CCSER1: variants seen among roughly 807,000 people sequenced by gnomAD.
CCSER1 encodes the protein serine-rich coiled-coil domain-containing protein 1.
Under a neutral mutation model 82.0 loss-of-function variants are expected in CCSER1, and 41 were observed. That is an observed-to-expected ratio of 0.50 (90% CI 0.39 to 0.65). The LOEUF (loss-of-function observed/expected upper bound fraction) is 0.65. Among genes scored for constraint, CCSER1 ranks in the 30% least tolerant of loss-of-function variants. CCSER1 has a pLI of 0.00. For synonymous variants in CCSER1, 414 were observed against 383.9 expected (o/e 1.08, Z -0.92); for missense variants, 1,119 against 1,064.2 (o/e 1.05, Z -0.72).
At chr4:91,175,920 A>C (rs998642373) in intron 10 of CCSER1, among the ~76,000 whole-genome samples, 3 of 152,160 alleles carry the variant, frequency 2.0e-5, no homozygotes, top group African/African-American at 7.2e-5. Context: ...CCTGAATGTT[A>C]TTGCCTAGGT....
At chr4:90,458,330 T>A (rs1762443841) in intron 4 of CCSER1, among the ~76,000 whole-genome samples, 1 of 151,760 alleles carries the variant, frequency 6.6e-6, no homozygotes. Flanking sequence ...ACTGCTGCCA[T>A]CTTTAGAAAA....
intron 5 of CCSER1, among the ~76,000 whole-genome samples, chr4:90,538,785 C>T (rs1775741290): frequency 6.6e-6 from 1 of 151,936 alleles, no homozygotes; most frequent in Admixed American, 6.6e-5. Flanking sequence ...GTTAATTTTT[C>T]TTCAGAAATA....
intron 3 of CCSER1, among the ~76,000 whole-genome samples, chr4:90,385,743 T>C (rs1749938778): frequency 6.6e-6 from 1 of 152,162 alleles, no homozygotes; most frequent in Non-Finnish European, 1.5e-5. Context: ...TGGTTAGTGA[T>C]GTTAAGCATT....
In CCSER1 at chr4:90,593,577, TC is replaced by T. The variant is rs767035495; in HGVS notation, c.1725-34447del. Among the ~76,000 whole-genome samples, 41 of 152,098 alleles carry T rather than the reference TC, an allele frequency of 2.7e-4. 1 individual carries two copies. The highest frequency in any genetic ancestry group is 1.6e-3 in the Admixed American group (25 of 15,238). Reference sequence around the variant, plus strand: ...CTGAAGTGTTTCCATTTGATTTAGTTCTAGGAAGTCCTTAGGTTTCCAGCCT... The same window carrying T: ...CTGAAGTGTTTCCATTTGATTTAGTTTAGGAAGTCCTTAGGTTTCCAGCCT... On this transcript the variant is annotated intron_variant, in intron 5 of 10. Transcript: ENST00000509176.
At chr4:90,752,791 A>G (rs575795127) in intron 7 of CCSER1, among the ~76,000 whole-genome samples, 71 of 152,030 alleles carry the variant, frequency 4.7e-4, no homozygotes, top group Non-Finnish European at 6.0e-4. Context: ...CATATATTCA[A>G]TTGCCTACTC....
intron 10 of CCSER1, among the ~76,000 whole-genome samples, chr4:91,129,660 T>C (rs7673237): frequency 1.4e-4 from 22 of 152,118 alleles, no homozygotes; most frequent in African/African-American, 5.1e-4. Flanking sequence ...ACCAAAGGAC[T>C]CTTGGACACG....
intron 8 of CCSER1, among the ~76,000 whole-genome samples, chr4:90,860,954 C>T (rs986854346): frequency 6.6e-6 from 1 of 151,386 alleles, no homozygotes; most frequent in African/African-American, 2.4e-5. Flanking sequence ...GGTTGAACAA[C>T]TCTGACTATA....
chr4:91,355,839 G>A (rs1275935099), intron 10 of CCSER1, among the ~76,000 whole-genome samples: 1 of 152,092 alleles, frequency 6.6e-6, no homozygotes, highest in African/African-American at 2.4e-5. Context: ...GGGCCTACTA[G>A]AATAAACAGA....
At chr4:90,173,223 G>A (rs1732045529) in intron 1 of CCSER1, among the ~76,000 whole-genome samples, 1 of 151,700 alleles carries the variant, frequency 6.6e-6, no homozygotes, top group African/African-American at 2.4e-5. Context: ...TGCTGAAGAA[G>A]TGCTACCAAA....
intron 8 of CCSER1, among the ~76,000 whole-genome samples, chr4:90,912,377 A>T (rs1159736889): frequency 6.6e-6 from 1 of 152,220 alleles, no homozygotes; most frequent in East Asian, 1.9e-4. Context: ...CAAGGCAAAC[A>T]GGGTCTGGAG....
chr4:91,494,304 A>T (rs1758698988), intron 10 of CCSER1, among the ~76,000 whole-genome samples: 1 of 151,942 alleles, frequency 6.6e-6, no homozygotes, highest in Admixed American at 6.6e-5. Context: ...GGAGAATAGC[A>T]AAATCACATT....
intron 7 of CCSER1, among the ~76,000 whole-genome samples, chr4:90,755,233 G>C (rs1201250214): frequency 1.3e-5 from 2 of 152,214 alleles, no homozygotes; most frequent in African/African-American, 4.8e-5. Context: ...AGGAACAAGA[G>C]GGGGTGCATA....
intron 10 of CCSER1, among the ~76,000 whole-genome samples, chr4:91,394,224 C>T (rs964891200): frequency 4.0e-5 from 6 of 151,852 alleles, no homozygotes; most frequent in Non-Finnish European, 5.9e-5. Flanking sequence ...AAAAACAATG[C>T]GTTGAAATTG....
intron 8 of CCSER1, among the ~76,000 whole-genome samples, chr4:90,859,345 A>G (rs1304182157): frequency 6.6e-6 from 1 of 151,876 alleles, no homozygotes; most frequent in Non-Finnish European, 1.5e-5. Flanking sequence ...TTGAAGGAAT[A>G]TTGACTGCAT....
intron 5 of CCSER1, among the ~76,000 whole-genome samples, chr4:90,530,672 T>C (rs1774389982): frequency 6.6e-6 from 1 of 152,138 alleles, no homozygotes; most frequent in South Asian, 2.1e-4. Flanking sequence ...AGGTATGTTA[T>C]TGACTATGTT....
At chr4:90,218,415 CG>C (rs1475852731) in intron 1 of CCSER1, among the ~76,000 whole-genome samples, 1 of 152,040 alleles carries the variant, frequency 6.6e-6, no homozygotes, top group Non-Finnish European at 1.5e-5. Context: ...CAGCATCACA[CG>C]GTGTTTACTT....
At chr4:91,195,180 G>A (rs1735310931) in intron 10 of CCSER1, among the ~76,000 whole-genome samples, 1 of 152,178 alleles carries the variant, frequency 6.6e-6, no homozygotes, top group Non-Finnish European at 1.5e-5. Context: ...TGATGCAAAT[G>A]TTTAAGTGAT....
At chr4:91,447,145 T>C (rs1052604862) in intron 10 of CCSER1, among the ~76,000 whole-genome samples, 2 of 152,102 alleles carry the variant, frequency 1.3e-5, no homozygotes, top group African/African-American at 4.8e-5. Context: ...GGAAATCTCT[T>C]GAGGCTCCAA....
At chr4:90,984,732 G>A (rs2150431374) in intron 9 of CCSER1, among the ~76,000 whole-genome samples, 1 of 151,778 alleles carries the variant, frequency 6.6e-6, no homozygotes, top group South Asian at 2.1e-4. Context: ...GCACTAGAAT[G>A]CAAAAGTAAA....
Sources: gnomAD v4.1 joint callset for allele counts (sites outside exome capture counted in the v4.1 genomes callset) on GRCh38, gnomAD v4.1.1 for gene constraint, MANE v1.5 for transcripts, NCBI Gene and HGNC (gene_info 2026-07-23, HGNC 2026-07-21) for gene names.